Variants in MTUS2 observed in about 807,000 individuals in gnomAD.
MTUS2 encodes the protein microtubule associated scaffold protein 2, also known as microtubule-associated tumor suppressor candidate 2.
MTUS2 carries 40 observed loss-of-function variants against 114.1 expected under a neutral mutation model. The ratio of observed to expected loss-of-function variants is 0.35; its 90% confidence interval spans 0.27 to 0.46. The LOEUF (loss-of-function observed/expected upper bound fraction) is 0.46. Ranked by LOEUF, MTUS2 falls within the 20% of genes least tolerant of loss-of-function variation. The pLI is 1.00. For missense variants in MTUS2, 1,679 were observed against 1,705.4 expected (o/e 0.98, Z 0.27); for synonymous variants, 688 against 672.0 (o/e 1.02, Z -0.37).
chr13:29,324,875 C>A (rs1219458081), intron 7 of MTUS2, among the ~76,000 whole-genome samples, 164 bp downstream of exon 7: 1 of 152,186 alleles, frequency 6.6e-6, no homozygotes, highest in Non-Finnish European at 1.5e-5. Flanking sequence ...TGAAATGAAC[C>A]AGCTGTTCAC....
chr13:29,259,902 C>T (rs1393253088), intron 5 of MTUS2, among the ~76,000 whole-genome samples: 2 of 152,160 alleles, frequency 1.3e-5, no homozygotes, highest in African/African-American at 4.8e-5. Flanking sequence ...TCTGATGTTA[C>T]AAATGAGAAC....
intron 5 of MTUS2, among the ~76,000 whole-genome samples, chr13:29,243,472 CAA>C (rs1896803471): frequency 6.6e-6 from 1 of 152,150 alleles, no homozygotes; most frequent in Admixed American, 6.5e-5. Flanking sequence ...CATTTGCTTT[CAA>C]AGACTGGCAA....
chr13:29,006,680 ATTTG>A (rs770152112), intron 2 of MTUS2, among the ~76,000 whole-genome samples: 1 of 151,974 alleles, frequency 6.6e-6, no homozygotes, highest in Admixed American at 6.6e-5. Flanking sequence ...TTGTTTGTTC[ATTTG>A]TTTGTTTGTT....
chr13:29,166,838 T>A (rs1392574572), intron 5 of MTUS2, among the ~76,000 whole-genome samples: 1 of 152,196 alleles, frequency 6.6e-6, no homozygotes, highest in Non-Finnish European at 1.5e-5. Flanking sequence ...GAAAAAAAAT[T>A]AGTTTTAAAA....
At chr13:28,921,172 A>G (rs1316600635) in intron 2 of MTUS2, among the ~76,000 whole-genome samples, 2 of 152,200 alleles carry the variant, frequency 1.3e-5, no homozygotes, top group Non-Finnish European at 2.9e-5. Flanking sequence ...TGAAGCCAGC[A>G]CATCTCAGAG....
At chr13:28,956,813 G>A (rs1239840362) in intron 2 of MTUS2, among the ~76,000 whole-genome samples, 28 of 151,794 alleles carry the variant, frequency 1.8e-4, no homozygotes, top group African/African-American at 5.1e-4. Context: ...GTGAGCTGGC[G>A]GAAAGGAAGT....
chr13:29,383,351 G>A (rs962120497), intron 8 of MTUS2, among the ~76,000 whole-genome samples: 2 of 151,742 alleles, frequency 1.3e-5, no homozygotes, highest in Non-Finnish European at 2.9e-5. Context: ...TAAAGGAAAA[G>A]GAAACATGTG....
chr13:29,235,267 A>G lies in MTUS2; in HGVS notation c.2645-46437A>G, dbSNP rs543002616. On this transcript the variant is annotated intron_variant, in intron 5 of 15. Coordinates refer to ENST00000612955, the MANE Select transcript of MTUS2 (RefSeq NM_001033602.4). ...CGCCACCACGCCTGGCTAATTTTGT[A>G]TTTTTGGTAGAGATGGGGTTTCTCC... 1.4e-4 allele frequency among the ~76,000 whole-genome samples: 21 copies of G among 152,060 alleles called. No homozygotes were observed. In the South Asian group the frequency reaches 1.9e-3, roughly 14 times the overall value.
chr13:29,214,802 T>G (rs1895610992), intron 5 of MTUS2, among the ~76,000 whole-genome samples: 2 of 152,204 alleles, frequency 1.3e-5, no homozygotes. Flanking sequence ...ATTTTTTCCT[T>G]TGTTTCAACC....
At chr13:29,338,567 G>A (rs2138101529) in intron 7 of MTUS2, among the ~76,000 whole-genome samples, 1 of 152,006 alleles carries the variant, frequency 6.6e-6, no homozygotes, top group Non-Finnish European at 1.5e-5. Flanking sequence ...TACAGCCTGG[G>A]CGACAGAGCA....
intron 2 of MTUS2, among the ~76,000 whole-genome samples, chr13:28,910,519 T>C (rs908427316): frequency 4.6e-5 from 7 of 152,114 alleles, no homozygotes; most frequent in African/African-American, 1.7e-4. Context: ...ACCTGTTCTT[T>C]CTTTTCCTGA....
chr13:28,823,586 T>A (rs964984228), intron 1 of MTUS2, among the ~76,000 whole-genome samples: 2 of 152,126 alleles, frequency 1.3e-5, no homozygotes, highest in African/African-American at 4.8e-5. Flanking sequence ...TTAGTCAGGC[T>A]CCCCTGAGCC....
At chr13:29,406,653 A>T (rs923393024) in intron 8 of MTUS2, among the ~76,000 whole-genome samples, 1 of 152,254 alleles carries the variant, frequency 6.6e-6, no homozygotes, top group African/African-American at 2.4e-5. Context: ...GTGGGACAGG[A>T]CCACAACAGG....
chr13:29,274,935 A>G (rs1566104404), intron 5 of MTUS2, among the ~76,000 whole-genome samples: 1 of 151,904 alleles, frequency 6.6e-6, no homozygotes, highest in African/African-American at 2.4e-5. Context: ...GGGTCTCACT[A>G]TGTTGCCTAG....
In MTUS2 at chr13:29,104,008, T is replaced by C. The variant is rs545746649; in HGVS notation, c.2644+3038T>C. 5.9e-5 allele frequency among the ~76,000 whole-genome samples: 9 copies of C among 151,962 alleles called. No homozygotes were observed. The East Asian group carries it at 1.6e-3, about 26-fold the overall frequency. On this transcript the variant is annotated intron_variant, in intron 5 of 15. Coordinates refer to ENST00000612955, the MANE Select transcript of MTUS2 (RefSeq NM_001033602.4). ...GTCCTGAGGGGCAAGTGATGATGAA[T>C]GTGGAAACGGGAGCCCCATGCATCC...
At chr13:29,147,598 C>T (rs117350966) in intron 5 of MTUS2, among the ~76,000 whole-genome samples, 2,207 of 152,182 alleles carry the variant, frequency 0.015, 32 homozygotes, top group Non-Finnish European at 0.019. Context: ...TCTCTCTCCC[C>T]GCTGTACTAG....
intron 7 of MTUS2, among the ~76,000 whole-genome samples, chr13:29,347,842 C>CT (rs1251782569): frequency 6.6e-6 from 1 of 151,926 alleles, no homozygotes; most frequent in African/African-American, 2.4e-5. Flanking sequence ...ATTATAACAG[C>CT]TCACAGAACT....
intron 2 of MTUS2, among the ~76,000 whole-genome samples, chr13:28,897,503 A>T (rs1879349827): frequency 6.6e-6 from 1 of 152,172 alleles, no homozygotes; most frequent in African/African-American, 2.4e-5. Context: ...TTCCTCAGGG[A>T]TCTAGAACTA....
chr13:29,495,807 G>T (rs1882513201), intron 12 of MTUS2, among the ~76,000 whole-genome samples: 1 of 152,054 alleles, frequency 6.6e-6, no homozygotes. Flanking sequence ...GGAGGTGGAG[G>T]TTGCAGTGAG....
Sources: allele counts gnomAD v4.1 joint callset (sites outside exome capture counted in the v4.1 genomes callset), GRCh38; gene constraint gnomAD v4.1.1; transcripts MANE v1.5; gene names NCBI Gene and HGNC (gene_info 2026-07-23, HGNC 2026-07-21).